The following CPNE4 variants were observed in gnomAD, a reference collection of about 807,000 sequenced individuals.
CPNE4 encodes the protein copine-4.
CPNE4 carries 25 observed loss-of-function variants against 67.9 expected under a neutral mutation model. The ratio of observed to expected loss-of-function variants is 0.37; its 90% CI spans 0.27 to 0.51. The LOEUF (loss-of-function observed/expected upper bound fraction) is 0.51, where lower values mean the gene tolerates loss of function less well. Ranked by LOEUF, CPNE4 falls within the 20% of genes least tolerant of loss-of-function variation. CPNE4 has a pLI of 0.93. For synonymous variants in CPNE4, 242 were observed against 244.9 expected, an observed-to-expected ratio of 0.99 and a Z score of 0.11; for missense variants, 464 against 690.8, an observed-to-expected ratio of 0.67 and a Z score of 3.68.
intron 2 of CPNE4, among the ~76,000 whole-genome samples, chr3:131,810,147 CAAT>C (rs1227719456): frequency 1.3e-5 from 2 of 151,790 alleles, no homozygotes; most frequent in Non-Finnish European, 2.9e-5. Context: ...TTGGTCTTGG[CAAT>C]AATGTTTTAG....
At chr3:131,905,559 T>C (rs1036452965) in intron 1 of CPNE4, 115 bp from the exon 2 acceptor site, 169 of 886,836 alleles carry the variant, frequency 1.9e-4, no homozygotes, top group East Asian at 2.2e-4. Context: ...GTTTCAAACA[T>C]TGAAGGTATT....
Position 131,991,116 on chromosome 3 carries a change from G to C in CPNE4, c.-2+43451C>G, listed in dbSNP as rs1320646594. On this transcript the variant is annotated intron_variant, in intron 1 of 15. Transcript: ENST00000429747. ...CCCAGTCTCTCGTATGTCTTTACTA[G>C]CAGTTTGAGAATGGACTAATACAGT... Among the ~76,000 whole-genome samples the C allele has an allele frequency of 9.5e-5, 13 of 136,166 alleles. 2 individuals carry two copies. The highest frequency in any genetic ancestry group is 5.8e-4 in the Admixed American group (7 of 12,026). 89.3% of individuals were successfully genotyped at this position (136,166 alleles called of 152,430 possible).
intron 2 of CPNE4, among the ~76,000 whole-genome samples, chr3:131,776,325 CAGA>C (rs2083290251): frequency 7.1e-6 from 1 of 140,490 alleles, no homozygotes; most frequent in South Asian, 2.3e-4. Flanking sequence ...TTTCAAGAAA[CAGA>C]GTTTCACTGA....
intron 2 of CPNE4, among the ~76,000 whole-genome samples, chr3:131,808,889 A>G (rs889224922): frequency 3.3e-5 from 5 of 152,356 alleles, no homozygotes; most frequent in Non-Finnish European, 7.4e-5. Context: ...GCACTGTAAT[A>G]TAAGCTAGTA....
At chr3:131,701,003 C>T (rs1160960587) in intron 3 of CPNE4, among the ~76,000 whole-genome samples, 2 of 150,082 alleles carry the variant, frequency 1.3e-5, no homozygotes, top group African/African-American at 4.9e-5. Context: ...GACAAAAAAC[C>T]AAACACTGCA....
chr3:131,559,467 AG>A (rs1936642122), intron 11 of CPNE4, among the ~76,000 whole-genome samples: 1 of 152,016 alleles, frequency 6.6e-6, no homozygotes. Context: ...GATTTCTGAT[AG>A]GTTTTTATAG....
At chr3:131,882,584 T>A (rs2087720045) in intron 2 of CPNE4, among the ~76,000 whole-genome samples, 1 of 149,720 alleles carries the variant, frequency 6.7e-6, no homozygotes, top group South Asian at 2.1e-4. Context: ...ATATAAATGA[T>A]AATATTGATG....
chr3:131,774,245 G>A (rs1054725181), intron 2 of CPNE4, among the ~76,000 whole-genome samples: 1 of 151,814 alleles, frequency 6.6e-6, no homozygotes, highest in African/African-American at 2.4e-5. Context: ...CTGATTTAGA[G>A]ATGAGGCTCT....
chr3:131,592,855 C>G (rs16837170), intron 7 of CPNE4, among the ~76,000 whole-genome samples: 18,937 of 152,082 alleles, frequency 0.12, 1,546 homozygotes, highest in African/African-American at 0.23. Context: ...GGATGCAAAG[C>G]CAAGTAGTCT....
chr3:131,563,284 C>A (rs1384316084), intron 11 of CPNE4, among the ~76,000 whole-genome samples: 2 of 152,018 alleles, frequency 1.3e-5, no homozygotes, highest in East Asian at 3.9e-4. Context: ...TGTTGCTGCT[C>A]ATTACTAACT....
chr3:131,618,014 G>A (rs1940257048), intron 7 of CPNE4, among the ~76,000 whole-genome samples: 1 of 152,208 alleles, frequency 6.6e-6, no homozygotes, highest in South Asian at 2.1e-4. Flanking sequence ...ATAACAAGAT[G>A]TGGTACCTGT....
intron 2 of CPNE4, among the ~76,000 whole-genome samples, chr3:131,875,125 G>C (rs1333536817): frequency 6.6e-6 from 1 of 152,052 alleles, no homozygotes; most frequent in African/African-American, 2.4e-5. Flanking sequence ...AAATATCTGG[G>C]ATTTCATCTT....
intron 1 of CPNE4, among the ~76,000 whole-genome samples, chr3:131,924,740 C>G (rs568618299): frequency 2.0e-4 from 31 of 152,244 alleles, no homozygotes; most frequent in African/African-American, 7.2e-4. Flanking sequence ...GTGACATAAA[C>G]TATACTTTTT....
chr3:131,662,222 G>A (rs11919014), intron 7 of CPNE4, among the ~76,000 whole-genome samples: 52,908 of 152,054 alleles, frequency 0.35, 9,706 homozygotes, highest in African/African-American at 0.45. Context: ...AACTCTATGA[G>A]TGGACTCAAA....
At chr3:131,740,059 A>C (rs2082322538) in intron 2 of CPNE4, among the ~76,000 whole-genome samples, 1 of 152,218 alleles carries the variant, frequency 6.6e-6, no homozygotes, top group Non-Finnish European at 1.5e-5. Flanking sequence ...CAAAACATTC[A>C]CTAGACCTCA....
chr3:131,982,361 A>C (rs2072929234), intron 1 of CPNE4, among the ~76,000 whole-genome samples: 1 of 152,216 alleles, frequency 6.6e-6, no homozygotes, highest in South Asian at 2.1e-4. Flanking sequence ...CAGAATTCTT[A>C]AGAGCCCAAT....
At position 131,770,661 on chromosome 3, in the gene CPNE4, T is replaced by G. The variant is rs539481810; in HGVS notation, c.181-47036A>C. Among the ~76,000 whole-genome samples the G allele has an allele frequency of 1.1e-4, 17 of 152,332 alleles. No individual in the cohort carries two copies. In the South Asian group the frequency reaches 3.5e-3, roughly 32 times the overall value. On this transcript the variant is annotated intron_variant, in intron 2 of 15. Coordinates refer to ENST00000429747, the MANE Select transcript of CPNE4 (RefSeq NM_130808.3). ...AGGAGGGCTGGGATCCTTCACTCAG[T>G]GCTTATAACCACCTGCTTGTCTGTA...
At chr3:131,657,545 T>C (rs1005073665) in intron 7 of CPNE4, among the ~76,000 whole-genome samples, 2 of 150,404 alleles carry the variant, frequency 1.3e-5, no homozygotes, top group African/African-American at 4.9e-5. Context: ...TTTTTTTTTT[T>C]TTTTTTTTGA....
intron 1 of CPNE4, among the ~76,000 whole-genome samples, chr3:131,917,111 T>A (rs1327753581): frequency 6.6e-6 from 1 of 152,162 alleles, no homozygotes; most frequent in Non-Finnish European, 1.5e-5. Context: ...GCAATCCACA[T>A]GCATGGAGGA....
Sources: gnomAD v4.1 joint callset for allele counts (sites outside exome capture counted in the v4.1 genomes callset) on GRCh38, gnomAD v4.1.1 for gene constraint, MANE v1.5 for transcripts, NCBI Gene and HGNC (gene_info 2026-07-23, HGNC 2026-07-21) for gene names.